The following CLYBL variants were observed in gnomAD, a reference collection of about 807,000 sequenced individuals.
The protein encoded by CLYBL is citramalyl-CoA lyase, mitochondrial.
Under a neutral mutation model 38.9 loss-of-function variants are expected in CLYBL, and 31 were observed. That is an observed-to-expected ratio of 0.80 (90% CI 0.60 to 1.08). The LOEUF (loss-of-function observed/expected upper bound fraction) is 1.08. Ranked by LOEUF, CLYBL falls within the 50% of genes least tolerant of loss-of-function variation. CLYBL has a pLI of 0.00. For missense variants in CLYBL, 434 were observed against 411.6 expected (o/e 1.05, Z -0.47); for synonymous variants, 171 against 158.6 (o/e 1.08, Z -0.59).
chr13:99,840,825 A>G (rs1218796372), intron 2 of CLYBL, among the ~76,000 whole-genome samples: 3 of 149,150 alleles, frequency 2.0e-5, no homozygotes, highest in Non-Finnish European at 3.0e-5. Flanking sequence ...CGTATTCCCT[A>G]CTGCCTTCTT....
At chr13:99,776,185 AAAT>A (rs776856192) in intron 2 of CLYBL, among the ~76,000 whole-genome samples, 9 of 143,182 alleles carry the variant, frequency 6.3e-5, no homozygotes, top group Non-Finnish European at 7.6e-5. Context: ...ACCAAAAAAC[AAAT>A]AATAATAATA....
intron 2 of CLYBL, among the ~76,000 whole-genome samples, chr13:99,817,674 G>GAAAA (rs1372175434): frequency 9.5e-5 from 12 of 126,628 alleles, no homozygotes; most frequent in Admixed American, 1.6e-4. Context: ...AAAAAAAAAA[G>GAAAA]AAAAGAAAAA....
intron 2 of CLYBL, among the ~76,000 whole-genome samples, chr13:99,807,228 C>T (rs932311254): frequency 3.3e-5 from 5 of 152,226 alleles, no homozygotes; most frequent in Non-Finnish European, 7.3e-5. Context: ...GTCCGGTCCA[C>T]ATCTATTCAG....
At chr13:99,846,361 A>C (rs1381530559) in intron 2 of CLYBL, among the ~76,000 whole-genome samples, 1 of 139,248 alleles carries the variant, frequency 7.2e-6, no homozygotes, top group African/African-American at 2.7e-5. Flanking sequence ...TCATGATCTC[A>C]GCTCACTGCA....
chr13:99,781,603 G>A (rs2049655939), intron 2 of CLYBL, among the ~76,000 whole-genome samples: 1 of 152,120 alleles, frequency 6.6e-6, no homozygotes, highest in Non-Finnish European at 1.5e-5. Flanking sequence ...AGCCTCCTGG[G>A]TAGCTGGGAT....
intron 1 of CLYBL, among the ~76,000 whole-genome samples, chr13:99,679,723 G>A (rs1170952908): frequency 6.6e-6 from 1 of 151,870 alleles, no homozygotes; most frequent in Non-Finnish European, 1.5e-5. Context: ...TTCCAAAATG[G>A]GAAGGAGAGG....
rs184306692 is a variant in CLYBL at position 99,740,185 on chromosome 13, A to G, written c.63-32639A>G. On this transcript the variant is annotated intron_variant, in intron 1 of 8. Transcript: ENST00000339105. ...ATTTGTACGTGCCCAGGAACGCTCT[A>G]TCTTCGCCTTCTCTGGCATTAGTTC... Among the ~76,000 whole-genome samples, 384 of 152,332 alleles carry G rather than the reference A, an allele frequency of 2.5e-3. 1 individual carries two copies. Among genetic ancestry groups the G allele is most frequent in the African/African-American group, 8.9e-3 (371 of 41,580 alleles).
chr13:99,786,499 T>G (rs909032351), intron 2 of CLYBL, among the ~76,000 whole-genome samples: 3 of 152,106 alleles, frequency 2.0e-5, no homozygotes, highest in African/African-American at 7.2e-5. Context: ...GAAAGATGGT[T>G]TCCAGCTTCA....
intron 1 of CLYBL, among the ~76,000 whole-genome samples, chr13:99,616,854 A>G (rs2147624): frequency 0.85 from 128,865 of 151,978 alleles, 54,744 homozygotes; most frequent in Middle Eastern, 0.91. Flanking sequence ...TACTCAGGAG[A>G]CTGAGGCAGG....
chr13:99,705,127 C>G (rs2048126605), intron 1 of CLYBL, among the ~76,000 whole-genome samples: 1 of 152,146 alleles, frequency 6.6e-6, no homozygotes, highest in African/African-American at 2.4e-5. Context: ...TACTGTGTTC[C>G]TGGGTACATG....
chr13:99,633,171 A>G (rs2046970153), intron 1 of CLYBL, among the ~76,000 whole-genome samples: 1 of 137,614 alleles, frequency 7.3e-6, no homozygotes, highest in Non-Finnish European at 1.5e-5. Context: ...AGATCATACC[A>G]GTGCACTCCA....
chr13:99,633,096 C>T (rs2046968919), intron 1 of CLYBL, among the ~76,000 whole-genome samples: 1 of 148,718 alleles, frequency 6.7e-6, no homozygotes, highest in East Asian at 2.0e-4. Context: ...CAAAAATTAG[C>T]CAGGTGTGGG....
At chr13:99,731,632 G>A (rs780200418) in intron 1 of CLYBL, among the ~76,000 whole-genome samples, 10 of 152,150 alleles carry the variant, frequency 6.6e-5, no homozygotes, top group Non-Finnish European at 1.5e-4. Flanking sequence ...CCATACATTA[G>A]TTTCAAAGTC....
At chr13:99,853,517 C>CT (rs1364270824) in intron 2 of CLYBL, among the ~76,000 whole-genome samples, 3 of 152,056 alleles carry the variant, frequency 2.0e-5, no homozygotes, top group Admixed American at 1.3e-4. Flanking sequence ...TATAGGTTTT[C>CT]TTTTTTTCAA....
In CLYBL at chr13:99,772,917, T is replaced by C; in HGVS notation, c.156T>C (p.Pro52=). The change falls in exon 2 of 9, where the codon CCT becomes CCC. Residue 52 remains proline (P), a synonymous_variant. Transcript: ENST00000339105. ...CCCGGAGGGCAGTGCTTTATGTACC[T>C]GGAAATGATGAAAAGAAAATAAAGA... ...YIPRRAVLYV[P]GNDEKKIKKI... is the part of the protein sequence containing the mutation. 1 of 1,613,860 alleles carries C rather than the reference T, an allele frequency of 6.2e-7. No homozygotes were observed. The highest frequency in any genetic ancestry group is 1.1e-5 in the South Asian group (1 of 91,038).
At chr13:99,709,986 C>T (rs1224256507) in intron 1 of CLYBL, among the ~76,000 whole-genome samples, 2 of 141,740 alleles carry the variant, frequency 1.4e-5, no homozygotes, top group African/African-American at 2.7e-5. Context: ...TGCAGTGGCG[C>T]TATCTGGGCT....
At chr13:99,821,771 C>A (rs2050593032) in intron 2 of CLYBL, among the ~76,000 whole-genome samples, 2 of 152,250 alleles carry the variant, frequency 1.3e-5, no homozygotes, top group African/African-American at 4.8e-5. Flanking sequence ...ATAGCACATC[C>A]ATTTTCTAGA....
In CLYBL at chr13:99,833,196, C is replaced by A. The variant is rs892967078; in HGVS notation, c.250-25665C>A. ...AGCTGGGATTACAGGCACCTGCCAC[C>A]ACACCTGGCTAATTTTTTGTATTTT... On this transcript the variant is annotated intron_variant, in intron 2 of 8. Coordinates refer to ENST00000339105, the MANE Select transcript of CLYBL (RefSeq NM_206808.5). 3.3e-5 allele frequency among the ~76,000 whole-genome samples: 5 copies of A among 150,084 alleles called. No homozygotes were observed. In the South Asian group the frequency reaches 8.5e-4, roughly 26 times the overall value.
chr13:99,850,060 G>A (rs2051296081), intron 2 of CLYBL, among the ~76,000 whole-genome samples: 1 of 152,158 alleles, frequency 6.6e-6, no homozygotes, highest in African/African-American at 2.4e-5. Context: ...GAAAGACATA[G>A]GTATATATCT....
Sources: allele counts gnomAD v4.1 joint callset (sites outside exome capture counted in the v4.1 genomes callset), GRCh38; gene constraint gnomAD v4.1.1; transcripts MANE v1.5; gene names NCBI Gene and HGNC (gene_info 2026-07-23, HGNC 2026-07-21).